TENM1: variants seen among roughly 807,000 people sequenced by gnomAD.
The protein encoded by TENM1 is teneurin transmembrane protein 1.
TENM1 carries 35 observed loss-of-function variants against 174.8 expected under a neutral mutation model. The ratio of observed to expected loss-of-function variants is 0.20; its 90% CI spans 0.15 to 0.27. TENM1 has a LOEUF of 0.27. TENM1 is among the 10% of genes least tolerant of loss of function. The pLI is 1.00. For synonymous variants in TENM1, 781 were observed against 798.7 expected (o/e 0.98, Z 0.37); for missense variants, 1,633 against 2,130.1 (o/e 0.77, Z 4.59).
chrX:125,070,434 T>C, the TENM1 span, among the ~76,000 whole-genome samples: 15 of 111,122 alleles, frequency 1.3e-4, no homozygotes, highest in African/African-American at 4.9e-4. Flanking sequence ...TAGACCTTCG[T>C]TGGATGCACA....
chrX:124,459,524 T>A, intron 22 of TENM1, among the ~76,000 whole-genome samples: 1 of 111,162 alleles, frequency 9.0e-6, no homozygotes, highest in Middle Eastern at 4.6e-3. Context: ...GGTGCTACAA[T>A]AACTGGCTAG....
the TENM1 span, among the ~76,000 whole-genome samples, chrX:125,139,864 A>ACACACG: frequency 1.5e-5 from 1 of 66,697 alleles, no homozygotes; most frequent in Admixed American, 1.5e-4. Context: ...ACACGGAGAG[A>ACACACG]GAGAGAGAGA....
upstream of TENM1, among the ~76,000 whole-genome samples, chrX:124,965,709 T>TAC (rs963244256): frequency 2.8e-5 from 3 of 106,543 alleles, no homozygotes; most frequent in African/African-American, 7.5e-5. Context: ...TATATATATA[T>TAC]ACACACACCA....
chrX:124,607,910 A>G (rs1055726177), intron 11 of TENM1, among the ~76,000 whole-genome samples: 1 of 111,417 alleles, frequency 9.0e-6, no homozygotes, highest in African/African-American at 3.3e-5. Flanking sequence ...AATGGAGCCA[A>G]TTAGATTTGC....
intron 18 of TENM1, among the ~76,000 whole-genome samples, chrX:124,507,444 T>C (rs1435876619): frequency 9.0e-6 from 1 of 111,491 alleles, no homozygotes; most frequent in Non-Finnish European, 1.9e-5. Context: ...GATAGTCGTG[T>C]TACTTTTGCA....
At chrX:124,817,004 C>CGTAG (rs1229314752) in intron 3 of TENM1, among the ~76,000 whole-genome samples, 1 of 110,717 alleles carries the variant, frequency 9.0e-6, no homozygotes, top group Non-Finnish European at 1.9e-5. Flanking sequence ...CTGTCATCTA[C>CGTAG]ATTAGGTATT....
intron 20 of TENM1, among the ~76,000 whole-genome samples, chrX:124,491,059 G>A (rs1045167454): frequency 1.7e-4 from 19 of 112,233 alleles, no homozygotes; most frequent in African/African-American, 5.8e-4. Context: ...CCTCACACTT[G>A]TGAAAGTTGT....
Position 124,824,210 on chromosome X carries a change from A to G in TENM1, c.535+70086T>C, listed in dbSNP as rs767203632. Among the ~76,000 whole-genome samples the G allele has an allele frequency of 6.0e-4, 67 of 112,260 alleles. No homozygotes were observed. In the South Asian group the frequency reaches 6.7e-3, roughly 11 times the overall value. ...TTTTTTGACAAAATTTTTCCTAAAAACTTTTAAGAGAAAATTGCAAACTCC... is the reference window on the plus strand; with the variant it reads ...TTTTTTGACAAAATTTTTCCTAAAAGCTTTTAAGAGAAAATTGCAAACTCC... On this transcript the variant is annotated intron_variant, in intron 3 of 31. Transcript: ENST00000422452.
exon 8 of TENM1, chrX:124,652,065 A>T: frequency 6.6e-6 from 8 of 1,211,569 alleles, no homozygotes; most frequent in Non-Finnish European, 7.8e-6. Flanking sequence ...GTGTATCATC[A>T]GAGCCCTTGG....
chrX:124,792,552 C>T (rs898455159), intron 3 of TENM1, among the ~76,000 whole-genome samples: 9 of 111,839 alleles, frequency 8.0e-5, no homozygotes, highest in Non-Finnish European at 1.1e-4. Context: ...AGAAAAAAAG[C>T]TAACATTGTT....
intron 4 of TENM1, 107 bp downstream of exon 7, chrX:124,736,850 C>A: frequency 9.7e-7 from 1 of 1,028,095 alleles, no homozygotes; most frequent in Non-Finnish European, 1.3e-6. Flanking sequence ...TCGGTTTGTG[C>A]ATTTGTGTGT....
chrX:125,203,018 G>A, the TENM1 span, among the ~76,000 whole-genome samples: 7 of 112,027 alleles, frequency 6.2e-5, no homozygotes, highest in East Asian at 1.1e-3. Flanking sequence ...GCACATTGGA[G>A]CGCATGGTTA....
intron 4 of TENM1, among the ~76,000 whole-genome samples, chrX:124,724,768 C>T (rs1431205718): frequency 1.8e-5 from 2 of 111,621 alleles, no homozygotes; most frequent in Non-Finnish European, 3.8e-5. Flanking sequence ...TGCACTCCAG[C>T]CCGGGTGGCA....
chrX:124,673,081 C>G (rs1396587526), intron 5 of TENM1, among the ~76,000 whole-genome samples: 1 of 111,391 alleles, frequency 9.0e-6, no homozygotes, highest in African/African-American at 3.3e-5. Context: ...TTGGGCTGAT[C>G]AAGAATAATT....
chrX:125,110,646 A>G, the TENM1 span, among the ~76,000 whole-genome samples: 1 of 110,971 alleles, frequency 9.0e-6, no homozygotes, highest in Non-Finnish European at 1.9e-5. Context: ...ATTTCTGCAG[A>G]AAAAAATGCC....
At chrX:124,705,770 C>T (rs1438635458) in intron 4 of TENM1, among the ~76,000 whole-genome samples, 2 of 112,412 alleles carry the variant, frequency 1.8e-5, no homozygotes, top group Non-Finnish European at 3.8e-5. Context: ...CAATCACATA[C>T]TCACTAACTA....
At chrX:124,724,979 T>G (rs2148528377) in intron 4 of TENM1, among the ~76,000 whole-genome samples, 1 of 111,605 alleles carries the variant, frequency 9.0e-6, no homozygotes, top group South Asian at 3.9e-4. Flanking sequence ...TAACGTGCTG[T>G]ATATGAAGAA....
At chrX:124,851,978 G>A (rs368322578) in intron 3 of TENM1, among the ~76,000 whole-genome samples, 21 of 111,324 alleles carry the variant, frequency 1.9e-4, no homozygotes, top group African/African-American at 5.9e-4. Context: ...GAGATTTAGA[G>A]ATCTACAGAG....
intron 19 of TENM1, among the ~76,000 whole-genome samples, chrX:124,502,348 G>A (rs1489705202): frequency 8.9e-6 from 1 of 112,453 alleles, no homozygotes; most frequent in Non-Finnish European, 1.9e-5. Flanking sequence ...TTTCAAGTCT[G>A]TGTGAAGCAA....
Sources: allele counts gnomAD v4.1 joint callset (sites outside exome capture counted in the v4.1 genomes callset), GRCh38; gene constraint gnomAD v4.1.1; transcripts MANE v1.5; gene names NCBI Gene and HGNC (gene_info 2026-07-23, HGNC 2026-07-21).